Variants in HLCS observed in about 807,000 individuals in gnomAD.
The protein encoded by HLCS is holocarboxylase synthetase, also known as biotin--protein ligase.
In HLCS, 53 loss-of-function variants were observed where a neutral mutation model predicts 75.0. The ratio of observed to expected loss-of-function variants is 0.71; its 90% CI spans 0.57 to 0.89. HLCS has a LOEUF of 0.89. HLCS is among the 40% of genes least tolerant of loss of function. HLCS has a pLI of 0.00. For missense variants in HLCS, 966 were observed against 1,074.0 expected (o/e 0.90, Z 1.41); for synonymous variants, 431 against 428.6 (o/e 1.01, Z -0.07).
At chr21:36,927,434 T>A (rs1345246255) in intron 5 of HLCS, among the ~76,000 whole-genome samples, 1 of 152,238 alleles carries the variant, frequency 6.6e-6, no homozygotes, top group Non-Finnish European at 1.5e-5. Context: ...TCCAGTTATA[T>A]CACAGTAACG....
At chr21:36,811,492 C>T (rs540274966) in intron 6 of HLCS, among the ~76,000 whole-genome samples, 15 of 152,300 alleles carry the variant, frequency 9.8e-5, no homozygotes, top group East Asian at 9.6e-4. Context: ...GAGGGGAGTT[C>T]GACCACTGCC....
At chr21:36,814,991 CT>C (rs1185735799) in intron 6 of HLCS, among the ~76,000 whole-genome samples, 2 of 147,810 alleles carry the variant, frequency 1.4e-5, no homozygotes, top group African/African-American at 5.0e-5. Flanking sequence ...GGATGTGTGG[CT>C]GAGGGAAAGG....
At chr21:36,792,133 T>C (rs1045384229) in intron 6 of HLCS, among the ~76,000 whole-genome samples, 2 of 151,950 alleles carry the variant, frequency 1.3e-5, no homozygotes, top group Non-Finnish European at 2.9e-5. Flanking sequence ...CAGCACCGGG[T>C]CCCTAAATCC....
intron 2 of HLCS, among the ~76,000 whole-genome samples, chr21:36,945,493 C>G (rs910511971): frequency 6.6e-6 from 1 of 152,158 alleles, no homozygotes; most frequent in Non-Finnish European, 1.5e-5. Context: ...TGAGAATGAA[C>G]TACTGATGCA....
chr21:36,955,208 T>C (rs1347075982), intron 2 of HLCS, among the ~76,000 whole-genome samples: 1 of 152,158 alleles, frequency 6.6e-6, no homozygotes, highest in Non-Finnish European at 1.5e-5. Flanking sequence ...ACATGTGCAG[T>C]GAAAGTCAGT....
intron 6 of HLCS, among the ~76,000 whole-genome samples, chr21:36,873,980 A>G (rs1360969620): frequency 6.6e-6 from 1 of 152,228 alleles, no homozygotes; most frequent in East Asian, 1.9e-4. Context: ...ATTTCTTCTT[A>G]GTCGCAAGTC....
intron 5 of HLCS, among the ~76,000 whole-genome samples, chr21:36,907,924 AT>A (rs1338718991): frequency 6.6e-6 from 1 of 152,164 alleles, no homozygotes; most frequent in African/African-American, 2.4e-5. Context: ...GAAAATGCAA[AT>A]TAAAACCACA....
At chr21:36,817,920 A>G (rs565993968) in intron 6 of HLCS, among the ~76,000 whole-genome samples, 4 of 152,326 alleles carry the variant, frequency 2.6e-5, no homozygotes, top group Middle Eastern at 3.4e-3. Context: ...AAGGGTCACA[A>G]TGAAAAGGCA....
At chr21:36,970,692 G>A (rs2068760954), upstream of HLCS, among the ~76,000 whole-genome samples, 1 of 151,434 alleles carries the variant, frequency 6.6e-6, no homozygotes, top group African/African-American at 2.4e-5. Flanking sequence ...AAGAACCAAG[G>A]AACTATGTAG....
chr21:36,966,716 G>A (rs1325077525), upstream of HLCS: 1 of 702,866 alleles, frequency 1.4e-6, no homozygotes. Context: ...CCGGCCGGAA[G>A]GGCCGCGCCG....
At chr21:36,863,268 G>C (rs1406062041) in intron 6 of HLCS, among the ~76,000 whole-genome samples, 4 of 152,058 alleles carry the variant, frequency 2.6e-5, no homozygotes, top group Non-Finnish European at 4.4e-5. Context: ...CACCATAAAA[G>C]CTCTAAACAG....
At chr21:36,967,016 G>A (rs905414853), upstream of HLCS, among the ~76,000 whole-genome samples, 100 of 151,986 alleles carry the variant, frequency 6.6e-4, no homozygotes, top group Non-Finnish European at 8.5e-4. Context: ...TGAGGAGTGG[G>A]ATGGGTATGT....
chr21:36,803,215 G>A lies in HLCS; in HGVS notation c.1893-35930C>T, dbSNP rs977359555. Among the ~76,000 whole-genome samples the A allele has an allele frequency of 2.0e-5, 3 of 152,208 alleles. No homozygotes were observed. In the East Asian group the frequency reaches 5.8e-4, roughly 29 times the overall value. On this transcript the variant is annotated intron_variant, in intron 6 of 10. Transcript: ENST00000674895. ...GCACATCTTCTTCCATTGACAAGCC[G>A]GCCTTTGTGATGAGAAGGAGGCTCA...
chr21:36,941,534 T>C (rs1413884590), intron 2 of HLCS, among the ~76,000 whole-genome samples: 1 of 152,198 alleles, frequency 6.6e-6, no homozygotes, highest in Non-Finnish European at 1.5e-5. Flanking sequence ...AAGGAAATAA[T>C]AGTCTTTTCA....
chr21:36,980,026 CAAAAAAAAAAA>C (rs71198844), intron 1 of HLCS, among the ~76,000 whole-genome samples: 85 of 55,122 alleles, frequency 1.5e-3, no homozygotes, highest in African/African-American at 6.1e-3. Context: ...GTCCCCATCT[CAAAAAAAAAAA>C]AAAAAAAAAA....
intron 2 of HLCS, among the ~76,000 whole-genome samples, chr21:36,959,463 A>G (rs1448967544): frequency 6.6e-6 from 1 of 152,234 alleles, no homozygotes; most frequent in East Asian, 1.9e-4. Context: ...TGACAGCAGA[A>G]GGCAGACAGG....
At chr21:36,756,450 C>T in intron 10 of HLCS, 92 bp downstream of exon 10, 4 of 363,206 alleles carry the variant, frequency 1.1e-5, no homozygotes, top group Non-Finnish European at 1.9e-5. Context: ...GACTCCGTCT[C>T]AAAAAAAAAA....
At chr21:36,873,417 T>A (rs1435794214) in intron 6 of HLCS, among the ~76,000 whole-genome samples, 1 of 152,098 alleles carries the variant, frequency 6.6e-6, no homozygotes, top group Non-Finnish European at 1.5e-5. Flanking sequence ...CACCCAGCCA[T>A]TGCTGGCATT....
intron 6 of HLCS, among the ~76,000 whole-genome samples, chr21:36,830,181 G>C (rs1165544254): frequency 6.6e-6 from 1 of 152,176 alleles, no homozygotes; most frequent in Non-Finnish European, 1.5e-5. Context: ...GCCCGGAACA[G>C]AGCCTCTCTC....
Sources: gnomAD v4.1 joint callset for allele counts (sites outside exome capture counted in the v4.1 genomes callset) on GRCh38, gnomAD v4.1.1 for gene constraint, MANE v1.5 for transcripts, NCBI Gene and HGNC (gene_info 2026-07-23, HGNC 2026-07-21) for gene names.